Variants in ARMC8 observed in about 807,000 individuals in gnomAD.
ARMC8 encodes the protein armadillo repeat containing 8.
ARMC8 carries 20 observed loss-of-function variants against 99.3 expected under a neutral mutation model. That is an observed-to-expected ratio of 0.20 (90% CI 0.14 to 0.29). The LOEUF (loss-of-function observed/expected upper bound fraction) is 0.29, where lower values mean the gene tolerates loss of function less well. ARMC8 is among the 10% of genes least tolerant of loss of function. The pLI is 1.00. For synonymous variants in ARMC8, 263 were observed against 278.3 expected (o/e 0.95, Z 0.55); for missense variants, 569 against 809.5 (o/e 0.70, Z 3.60).
At chr3:138,233,682 A>G (rs1050432928) in intron 6 of ARMC8, among the ~76,000 whole-genome samples, 2 of 152,224 alleles carry the variant, frequency 1.3e-5, no homozygotes, top group Non-Finnish European at 2.9e-5. Flanking sequence ...CCCCACTTCA[A>G]ATGATGGGTG....
chr3:138,267,226 T>C lies in ARMC8; in HGVS notation c.1371T>C (p.Phe457=). The C allele has an allele frequency of 6.4e-7, 1 of 1,571,158 alleles. No individual in the cohort carries two copies. ...TGCTGTGTAATCTTCTTCTTGAATT[T>C]TCTCCAAGCAAAGAGGTTAGTATTG... ...SSMLCNLLLE[F]SPSKEPILES... Residue 457 remains phenylalanine, a synonymous_variant, in exon 15 of 22, where the codon TTT becomes TTC. Coordinates refer to ENST00000469044, the MANE Select transcript of ARMC8 (RefSeq NM_001363941.2).
intron 1 of ARMC8, among the ~76,000 whole-genome samples, chr3:138,199,634 T>C (rs1303929138): frequency 6.6e-6 from 1 of 152,232 alleles, no homozygotes; most frequent in African/African-American, 2.4e-5. Flanking sequence ...GTATTTAATA[T>C]TGTTTGTCTT....
At chr3:138,188,992 GC>G (rs750856482) in intron 1 of ARMC8, among the ~76,000 whole-genome samples, 1 of 151,936 alleles carries the variant, frequency 6.6e-6, no homozygotes, top group Non-Finnish European at 1.5e-5. Context: ...GGGAGTGCAG[GC>G]CAATGACTTT....
chr3:138,247,463 AC>A (rs1277983396), intron 12 of ARMC8, among the ~76,000 whole-genome samples: 20 of 152,226 alleles, frequency 1.3e-4, no homozygotes, highest in African/African-American at 3.9e-4. Flanking sequence ...TCAAAAACCA[AC>A]AAAAAGTTTG....
chr3:138,286,307 T>G (rs1287865588), intron 19 of ARMC8, among the ~76,000 whole-genome samples: 1 of 152,170 alleles, frequency 6.6e-6, no homozygotes, highest in Non-Finnish European at 1.5e-5. Context: ...GCCTCTAAAG[T>G]CATTTTTTAA....
chr3:138,287,469 ATCC>A (rs1560053130), intron 19 of ARMC8, among the ~76,000 whole-genome samples: 1 of 151,614 alleles, frequency 6.6e-6, no homozygotes, highest in Non-Finnish European at 1.5e-5. Flanking sequence ...AATTTTCTCT[ATCC>A]TCATAGTAAT....
At chr3:138,286,945 T>C (rs544764943) in intron 19 of ARMC8, among the ~76,000 whole-genome samples, 4 of 152,214 alleles carry the variant, frequency 2.6e-5, no homozygotes, top group Non-Finnish European at 4.4e-5. Context: ...TGTCCCCTCA[T>C]TCACTCAATT....
intron 9 of ARMC8, chr3:138,238,093 G>C (rs2108158888): frequency 6.8e-6 from 1 of 147,970 alleles, no homozygotes; most frequent in South Asian, 2.1e-4. Flanking sequence ...TCTAGACGGA[G>C]TCTCACTCTG....
In ARMC8 at chr3:138,228,957, A is replaced by G. The variant is rs1294149095; in HGVS notation, c.475A>G (p.Arg159Gly). The part of the protein sequence containing the change: ...VIPHLMALLS[R>G]SRYTQEYICQ... ...ACCACACCTCATGGCACTGCTTAGC[A>G]GGTCCCGCTATACCCAGGAGTACAT... Residue 159 changes from arginine (R) to glycine (G), a missense_variant, in exon 6 of 22, where the codon AGG becomes GGG. Transcript: ENST00000469044. 4.3e-6 allele frequency: 7 copies of G among 1,609,854 alleles called. No individual in the cohort carries two copies. Among genetic ancestry groups the G allele is most frequent in the African/African-American group, 1.3e-5 (1 of 74,586 alleles).
chr3:138,197,489 G>A (rs1244575755), intron 1 of ARMC8, among the ~76,000 whole-genome samples: 1 of 152,088 alleles, frequency 6.6e-6, no homozygotes, highest in Non-Finnish European at 1.5e-5. Flanking sequence ...ATTCTTATGG[G>A]CCAGGACAAC....
intron 18 of ARMC8, among the ~76,000 whole-genome samples, chr3:138,275,631 AGTAGAGAGTTGGAC>A (rs2049214521): frequency 1.3e-5 from 2 of 151,978 alleles, no homozygotes; most frequent in Admixed American, 6.5e-5. Context: ...CAAGGTCATC[AGTAGAGAGTTGGAC>A]CCAGAGAGTC....
At chr3:138,213,568 A>C (rs78337961) in intron 2 of ARMC8, among the ~76,000 whole-genome samples, 1 of 152,190 alleles carries the variant, frequency 6.6e-6, no homozygotes, top group African/African-American at 2.4e-5. Context: ...CATAAAGCGT[A>C]GCCTTCGCAA....
At chr3:138,276,280 A>G (rs954830184) in intron 18 of ARMC8, among the ~76,000 whole-genome samples, 4 of 152,254 alleles carry the variant, frequency 2.6e-5, no homozygotes, top group Admixed American at 6.5e-5. Context: ...CATACAATTG[A>G]CATACAATAA....
At chr3:138,202,829 C>T (rs1018762596) in intron 1 of ARMC8, among the ~76,000 whole-genome samples, 2 of 152,130 alleles carry the variant, frequency 1.3e-5, no homozygotes, top group Non-Finnish European at 2.9e-5. Flanking sequence ...TTCCTATTAG[C>T]CTTCAAATTT....
Position 138,237,358 on chromosome 3 carries a change from C to T in ARMC8, c.659C>T (p.Pro220Leu), listed in dbSNP as rs757421910. Residue 220 changes from proline to leucine, a missense_variant, in exon 8 of 22, where the codon CCC (proline) becomes CTC (leucine). By Grantham distance (98) the Pro-to-Leu change is moderately conservative. This residue lies in a region of ARMC8 where 342 missense variants were observed against 391.6 expected (regional missense o/e 0.87). Coordinates refer to ENST00000469044, the MANE Select transcript of ARMC8 (RefSeq NM_001363941.2). Reference sequence around the variant, plus strand: ...TTCTCAGTTTTAGCTTTTGAAAACCCCCAGGTATCGATGACCCTGGTAAAT... The same window carrying T: ...TTCTCAGTTTTAGCTTTTGAAAACCTCCAGGTATCGATGACCCTGGTAAAT... ...KCFSVLAFENPQVSMTLVNVL... is the reference protein window; with the variant it reads ...KCFSVLAFENLQVSMTLVNVL... The T allele has an allele frequency of 9.3e-6, 15 of 1,613,628 alleles. No individual in the cohort carries two copies. The East Asian group carries it at 2.0e-4, about 22-fold the overall frequency.
chr3:138,258,773 G>T (rs138004672), intron 12 of ARMC8, among the ~76,000 whole-genome samples: 1 of 152,316 alleles, frequency 6.6e-6, no homozygotes, highest in East Asian at 1.9e-4. Context: ...AAAGCGGTCA[G>T]TTGAGGATGC....
At position 138,223,404 on chromosome 3, in the gene ARMC8, TCAGCAAGAA is replaced by T; in HGVS notation, c.211_219del (p.Gln71_Glu73del). The stretch of plus-strand genomic sequence containing the variant: ...TTCTTTTTAGATTGTTGTACTTGCT[TCAGCAAGAA>T]ACCTCAAGCACAGAGCTGAAAACTG... On this transcript the variant is annotated inframe_deletion, in exon 4 of 22. Transcript: ENST00000469044. 1 of 1,614,078 alleles carries T rather than the reference TCAGCAAGAA, an allele frequency of 6.2e-7. No individual in the cohort carries two copies. The highest frequency in any genetic ancestry group is 8.5e-7 in the Non-Finnish European group (1 of 1,179,988).
intron 6 of ARMC8, among the ~76,000 whole-genome samples, chr3:138,230,551 A>G (rs2045978409): frequency 6.6e-6 from 1 of 152,076 alleles, no homozygotes; most frequent in South Asian, 2.1e-4. Context: ...TACCCCAGAG[A>G]CTGAGGTGGG....
intron 21 of ARMC8, among the ~76,000 whole-genome samples, chr3:138,294,866 G>A (rs1161945104): frequency 6.6e-6 from 1 of 151,210 alleles, no homozygotes; most frequent in Non-Finnish European, 1.5e-5. Flanking sequence ...ATTATTTTTT[G>A]GTTTGTTTTT....
Sources: gnomAD v4.1 joint callset for allele counts (sites outside exome capture counted in the v4.1 genomes callset) on GRCh38, gnomAD v4.1.1 for gene constraint, gnomAD v4.1.1 regional missense constraint, MANE v1.5 for transcripts, NCBI Gene and HGNC (gene_info 2026-07-23, HGNC 2026-07-21) for gene names.